The following C5orf24 variants were observed in gnomAD, a reference collection of about 807,000 sequenced individuals.
C5orf24 encodes the protein chromosome 5 open reading frame 24, also known as UPF0461 protein C5orf24.
A neutral mutation model predicts 9.8 loss-of-function variants in C5orf24; 4 were observed. That is an observed-to-expected ratio of 0.41 (90% CI 0.20 to 0.93). The LOEUF (loss-of-function observed/expected upper bound fraction) is 0.93, where lower values mean the gene tolerates loss of function less well. Ranked by LOEUF, C5orf24 falls within the 40% of genes least tolerant of loss-of-function variation. The pLI is 0.33. For missense variants in C5orf24, 170 were observed against 236.9 expected (o/e 0.72, Z 1.85); for synonymous variants, 73 against 81.3 (o/e 0.90, Z 0.55).
chr5:134,835,372 G>A, the C5orf24 span, among the ~76,000 whole-genome samples: 3 of 152,090 alleles, frequency 2.0e-5, no homozygotes, highest in African/African-American at 7.2e-5. Flanking sequence ...GGAAGAGGCC[G>A]GATGCGTTGG....
At chr5:134,854,540 C>A (rs1422818887) in intron 1 of C5orf24, among the ~76,000 whole-genome samples, 1 of 152,144 alleles carries the variant, frequency 6.6e-6, no homozygotes, top group African/African-American at 2.4e-5. Context: ...GAGTTCTTGG[C>A]TTTACTATTA....
At chr5:134,841,996 A>T (rs538963859), upstream of C5orf24, among the ~76,000 whole-genome samples, 16 of 152,292 alleles carry the variant, frequency 1.1e-4, no homozygotes, top group African/African-American at 3.8e-4. Context: ...TAGGAGGCTG[A>T]TTGCTTTAAT....
At chr5:134,844,072 T>A (rs1755938149), upstream of C5orf24, among the ~76,000 whole-genome samples, 2 of 152,216 alleles carry the variant, frequency 1.3e-5, no homozygotes, top group South Asian at 4.1e-4. Flanking sequence ...ATTACTTGAC[T>A]TTTTTAGAAT....
intron 1 of C5orf24, among the ~76,000 whole-genome samples, chr5:134,850,427 G>A (rs992739343): frequency 7.3e-5 from 11 of 151,154 alleles, no homozygotes; most frequent in African/African-American, 2.7e-4. Context: ...GATTACAGGC[G>A]TGAACCACCA....
the C5orf24 span, among the ~76,000 whole-genome samples, chr5:134,839,831 G>C: frequency 6.6e-6 from 1 of 152,046 alleles, no homozygotes; most frequent in East Asian, 1.9e-4. Context: ...GGGATTACAG[G>C]TGCGTGCCAC....
At chr5:134,843,099 C>T (rs745397798), upstream of C5orf24, among the ~76,000 whole-genome samples, 1 of 151,888 alleles carries the variant, frequency 6.6e-6, no homozygotes, top group Non-Finnish European at 1.5e-5. Context: ...GCCTTAGCCT[C>T]CCGAGTAGCT....
rs1446794384 is a variant in C5orf24 at position 134,856,735 on chromosome 5, A to G, written c.*1268A>G. 1 of 999,554 alleles carries G rather than the reference A, an allele frequency of 1.0e-6. No homozygotes were observed. The highest frequency in any genetic ancestry group is 1.2e-6 in the Non-Finnish European group (1 of 829,480). The allele number at this position is 999,554 out of a possible 1,614,324, so 61.9% of individuals were successfully genotyped here. On this transcript the variant is annotated 3_prime_UTR_variant, in exon 2 of 2. Coordinates refer to ENST00000394976, the MANE Select transcript of C5orf24 (RefSeq NM_001135586.1). Reference sequence around the variant, plus strand: ...TTGGAACGTTTTTAGTTTTTCTCAGAAATTGTCCCATTGCATTAGCACTTA... The same window carrying G: ...TTGGAACGTTTTTAGTTTTTCTCAGGAATTGTCCCATTGCATTAGCACTTA...
At chr5:134,839,967 A>T in the C5orf24 span, among the ~76,000 whole-genome samples, 7 of 152,108 alleles carry the variant, frequency 4.6e-5, no homozygotes, top group Non-Finnish European at 8.8e-5. Context: ...AAGTGCTGGG[A>T]TTGCAGGCGT....
chr5:134,846,621 C>T (rs1330050646), intron 1 of C5orf24: 1 of 152,202 alleles, frequency 6.6e-6, no homozygotes, highest in African/African-American at 2.4e-5. Context: ...CGTGCATCTT[C>T]TGCAAACTTG....
At chr5:134,833,610 G>A in the C5orf24 span, 18 of 152,282 alleles carry the variant, frequency 1.2e-4, no homozygotes, top group African/African-American at 3.6e-4. Context: ...AGACAGCTAC[G>A]TTTCCCTTAC....
In C5orf24 at chr5:134,848,039, G is replaced by A. The variant is rs115816735; in HGVS notation, c.-4+1827G>A. ...TAAGAAATGTGGCTTGGGACCGGTC[G>A]CGGTGGCTGTGGCCTGTAATCCCAG... On this transcript the variant is annotated intron_variant, in intron 1 of 1. Transcript: ENST00000394976. Among the ~76,000 whole-genome samples, 1,463 of 151,958 alleles carry A rather than the reference G, an allele frequency of 9.6e-3. 7 individuals are homozygous for A. The highest frequency in any genetic ancestry group is 0.015 in the Admixed American group (226 of 15,286).
rs565817659 is a variant in C5orf24 at position 134,855,547 on chromosome 5, A to G, written c.*80A>G. 1.4e-5 allele frequency: 22 copies of G among 1,552,668 alleles called. No homozygotes were observed. In the South Asian group the frequency reaches 2.4e-4, roughly 17 times the overall value. ...GCTTCTTGGTTTTATTTTGATATAC[A>G]TAATTTTATGGCCTGGGCTTTCCAA... On this transcript the variant is annotated 3_prime_UTR_variant, in exon 2 of 2. Transcript: ENST00000394976.
At chr5:134,837,571 G>A in the C5orf24 span, among the ~76,000 whole-genome samples, 1 of 151,964 alleles carries the variant, frequency 6.6e-6, no homozygotes, top group Non-Finnish European at 1.5e-5. Context: ...GAGGCCTTTG[G>A]GAGGTGATTA....
rs1354490799 is a variant in C5orf24 at position 134,857,137 on chromosome 5, T to C, written c.*1670T>C. ...TATTGAGTTTGTTCTAAATAAAATA[T>C]TATAAACTTCAGACTTGAAAAAATT... is the stretch of plus-strand genomic sequence containing the variant. On this transcript the variant is annotated 3_prime_UTR_variant, in exon 2 of 2. Coordinates refer to ENST00000394976, the MANE Select transcript of C5orf24 (RefSeq NM_001135586.1). 44 of 1,293,108 alleles carry C rather than the reference T, an allele frequency of 3.4e-5. No individual in the cohort carries two copies. Among genetic ancestry groups the C allele is most frequent in the Middle Eastern group, 6.0e-4 (2 of 3,312 alleles). The allele number at this position is 1,293,108 out of a possible 1,614,324, so 80.1% of individuals were successfully genotyped here.
rs777113122 is a variant in C5orf24, at chr5:134,857,417, A to C, written c.*1950A>C. ...GCCTGACACAATTGAGCTGGACTTT[A>C]TGCTGCTCTTTACAGTAAGAGGTGT... On this transcript the variant is annotated 3_prime_UTR_variant, in exon 2 of 2. Transcript: ENST00000394976. 2 of 1,546,566 alleles carry C rather than the reference A, an allele frequency of 1.3e-6. No individual in the cohort carries two copies. Among genetic ancestry groups the C allele is most frequent in the African/African-American group, 2.7e-5 (2 of 72,998 alleles).
Position 134,856,212 on chromosome 5 carries a change from A to G in C5orf24, c.*745A>G, listed in dbSNP as rs1580846417. On this transcript the variant is annotated 3_prime_UTR_variant, in exon 2 of 2. Transcript: ENST00000394976. ...ATTTAAACTATTTTATAAAAACTGC[A>G]CATTACATTTTTGGTGAAATATAGT... The G allele has an allele frequency of 9.1e-6, 9 of 993,860 alleles. No individual in the cohort carries two copies. In the South Asian group the frequency reaches 2.8e-4, roughly 31 times the overall value. The allele number at this position is 993,860 out of a possible 1,614,324, so 61.6% of individuals were successfully genotyped here.
At chr5:134,850,779 A>G (rs1037714979) in intron 1 of C5orf24, among the ~76,000 whole-genome samples, 1 of 151,704 alleles carries the variant, frequency 6.6e-6, no homozygotes, top group Non-Finnish European at 1.5e-5. Flanking sequence ...GCCCAGCCGC[A>G]CGACTAATTT....
chr5:134,837,731 A>G, the C5orf24 span, among the ~76,000 whole-genome samples: 1 of 151,560 alleles, frequency 6.6e-6, no homozygotes, highest in Admixed American at 6.6e-5. Context: ...CAAATTGGCC[A>G]GTACTTTGAC....
chr5:134,848,143 C>G (rs1322477050), intron 1 of C5orf24, among the ~76,000 whole-genome samples: 1 of 150,840 alleles, frequency 6.6e-6, no homozygotes, highest in East Asian at 2.0e-4. Flanking sequence ...AAACCCGTCT[C>G]TACTAAAAAT....
Sources: gnomAD v4.1 joint callset for allele counts (sites outside exome capture counted in the v4.1 genomes callset) on GRCh38, gnomAD v4.1.1 for gene constraint, MANE v1.5 for transcripts, NCBI Gene and HGNC (gene_info 2026-07-23, HGNC 2026-07-21) for gene names.